FAF1: variants seen among roughly 807,000 people sequenced by gnomAD.
The protein encoded by FAF1 is Fas associated factor 1.
In FAF1, 25 loss-of-function variants were observed where a neutral mutation model predicts 92.5. The ratio of observed to expected loss-of-function variants is 0.27; its 90% confidence interval spans 0.20 to 0.38. FAF1 has a LOEUF of 0.38. FAF1 is among the 10% of genes least tolerant of loss of function. FAF1 has a pLI of 1.00. For missense variants in FAF1, 636 were observed against 793.3 expected, an observed-to-expected ratio of 0.80 and a Z score of 2.38; for synonymous variants, 234 against 273.2, an observed-to-expected ratio of 0.86 and a Z score of 1.42.
intron 1 of FAF1, among the ~76,000 whole-genome samples, chr1:50,952,321 G>A (rs1336819101): frequency 6.6e-6 from 1 of 152,248 alleles, no homozygotes; most frequent in African/African-American, 2.4e-5. Context: ...TGTTGGCCGG[G>A]CTGGTTTCCA....
chr1:50,729,741 G>A (rs1257187761), intron 6 of FAF1, among the ~76,000 whole-genome samples: 1 of 151,516 alleles, frequency 6.6e-6, no homozygotes, highest in East Asian at 2.0e-4. Context: ...GATTGGGATA[G>A]GCCAGGTGTG....
chr1:50,456,158 T>C (rs1436400422), intron 18 of FAF1, among the ~76,000 whole-genome samples: 1 of 152,088 alleles, frequency 6.6e-6, no homozygotes, highest in Non-Finnish European at 1.5e-5. Context: ...TCAGGCTCAA[T>C]TATAGTGCAC....
At chr1:50,520,077 T>C (rs1307658752) in intron 15 of FAF1, among the ~76,000 whole-genome samples, 1 of 152,186 alleles carries the variant, frequency 6.6e-6, no homozygotes, top group African/African-American at 2.4e-5. Flanking sequence ...TTAATGGTAG[T>C]TTACCTACTA....
intron 1 of FAF1, among the ~76,000 whole-genome samples, chr1:50,935,069 C>T (rs1299605355): frequency 6.6e-6 from 1 of 152,024 alleles, no homozygotes. Context: ...TGTCTCACAC[C>T]AACTAACTGC....
At chr1:50,770,316 ATC>A (rs1660733560) in intron 4 of FAF1, among the ~76,000 whole-genome samples, 1 of 152,186 alleles carries the variant, frequency 6.6e-6, no homozygotes, top group Non-Finnish European at 1.5e-5. Flanking sequence ...AAGTCAAACT[ATC>A]TCTGTTTGCA....
intron 18 of FAF1, among the ~76,000 whole-genome samples, chr1:50,469,773 C>G (rs1179686583): frequency 1.3e-5 from 2 of 152,186 alleles, no homozygotes; most frequent in Non-Finnish European, 2.9e-5. Flanking sequence ...AAGAAAAGAA[C>G]AGATTTGAGA....
intron 4 of FAF1, among the ~76,000 whole-genome samples, chr1:50,772,023 T>C (rs1318784321): frequency 5.3e-5 from 8 of 152,152 alleles, no homozygotes; most frequent in Non-Finnish European, 1.0e-4. Flanking sequence ...GGATAAGTTG[T>C]AGGGAAATAC....
chr1:50,774,406 G>T (rs1660880536), intron 4 of FAF1, among the ~76,000 whole-genome samples: 1 of 152,154 alleles, frequency 6.6e-6, no homozygotes, highest in Non-Finnish European at 1.5e-5. Flanking sequence ...ATCAGAATCT[G>T]AATTTATAGA....
At chr1:50,647,101 A>C (rs1457447284) in intron 8 of FAF1, among the ~76,000 whole-genome samples, 4 of 152,146 alleles carry the variant, frequency 2.6e-5, no homozygotes, top group Non-Finnish European at 5.9e-5. Context: ...CACCTGCCTC[A>C]GCCTCCCAAA....
At chr1:50,568,711 G>A (rs1022617639) in intron 12 of FAF1, among the ~76,000 whole-genome samples, 27 of 152,128 alleles carry the variant, frequency 1.8e-4, no homozygotes, top group African/African-American at 4.8e-4. Flanking sequence ...CTAATACAAC[G>A]AGGATTGGCT....
At position 50,535,360 on chromosome 1, in the gene FAF1, T is replaced by A. The variant is rs781750005; in HGVS notation, c.1494+9A>T. 11 of 1,581,794 alleles carry A rather than the reference T, an allele frequency of 7.0e-6. No homozygotes were observed. The highest frequency in any genetic ancestry group is 9.5e-6 in the Non-Finnish European group (11 of 1,151,834). On this transcript the variant is annotated intron_variant, in intron 15 of 18. Coordinates refer to ENST00000396153, the MANE Select transcript of FAF1 (RefSeq NM_007051.3). ...ATCAAAATCCTATTAAAGATCTGCA[T>A]AACCTTACCTCGTCCTTTATATCTT... is the stretch of plus-strand genomic sequence containing the variant.
At chr1:50,864,912 A>C (rs996440042) in intron 1 of FAF1, among the ~76,000 whole-genome samples, 1 of 152,096 alleles carries the variant, frequency 6.6e-6, no homozygotes, top group Non-Finnish European at 1.5e-5. Context: ...CAACCTACAA[A>C]ATGGGAGAAA....
chr1:50,785,615 A>C (rs1661333419), intron 4 of FAF1, among the ~76,000 whole-genome samples: 1 of 152,124 alleles, frequency 6.6e-6, no homozygotes, highest in South Asian at 2.1e-4. Context: ...CTATACAAAA[A>C]AAAAAGGAAA....
At chr1:50,885,597 G>C (rs1644655086) in intron 1 of FAF1, among the ~76,000 whole-genome samples, 1 of 151,876 alleles carries the variant, frequency 6.6e-6, no homozygotes, top group Non-Finnish European at 1.5e-5. Flanking sequence ...TGTGTTTCTT[G>C]TAGGCAACAG....
At chr1:50,806,886 C>CA in intron 2 of FAF1, among the ~76,000 whole-genome samples, 1 of 152,276 alleles carries the variant, frequency 6.6e-6, no homozygotes, top group East Asian at 1.9e-4. Flanking sequence ...CAAACAAACA[C>CA]ATTCAAAGGA....
chr1:50,454,675 C>T (rs1572752360), intron 18 of FAF1, among the ~76,000 whole-genome samples: 1 of 152,344 alleles, frequency 6.6e-6, no homozygotes, highest in East Asian at 1.9e-4. Flanking sequence ...AAGTGGAATG[C>T]AGGTACTGGC....
intron 6 of FAF1, among the ~76,000 whole-genome samples, chr1:50,728,706 G>A (rs1301879597): frequency 1.3e-5 from 2 of 151,390 alleles, no homozygotes; most frequent in East Asian, 2.0e-4. Context: ...CAGGAAAATC[G>A]CTTGAACCCA....
intron 18 of FAF1, among the ~76,000 whole-genome samples, chr1:50,443,506 T>C (rs745979881): frequency 6.6e-6 from 1 of 152,216 alleles, no homozygotes; most frequent in Non-Finnish European, 1.5e-5. Flanking sequence ...TCAAAGTGGT[T>C]ACCACTTGTT....
At chr1:50,895,474 C>G (rs533667940) in intron 1 of FAF1, among the ~76,000 whole-genome samples, 1 of 152,102 alleles carries the variant, frequency 6.6e-6, no homozygotes, top group South Asian at 2.1e-4. Context: ...CAATCCCACT[C>G]GAACTATTAC....
Sources: gnomAD v4.1 joint callset for allele counts (sites outside exome capture counted in the v4.1 genomes callset) on GRCh38, gnomAD v4.1.1 for gene constraint, MANE v1.5 for transcripts, NCBI Gene and HGNC (gene_info 2026-07-23, HGNC 2026-07-21) for gene names.